EVPL: variants seen among roughly 807,000 people sequenced by gnomAD.
The protein encoded by EVPL is 210 kDa cornified envelope precursor protein.
A neutral mutation model predicts 129.7 loss-of-function variants in EVPL; 94 were observed. The ratio of observed to expected loss-of-function variants is 0.72; its 90% confidence interval spans 0.61 to 0.86. The LOEUF is 0.86. Among genes scored for constraint, EVPL ranks in the 40% least tolerant of loss-of-function variants. EVPL has a pLI of 0.00. For missense variants in EVPL, 2,625 were observed against 2,721.1 expected (o/e 0.96, Z 0.79); for synonymous variants, 1,172 against 1,191.1 (o/e 0.98, Z 0.33).
At chr17:76,020,076 C>G (rs1189933002) in intron 9 of EVPL, among the ~76,000 whole-genome samples, 1 of 151,708 alleles carries the variant, frequency 6.6e-6, no homozygotes, top group Non-Finnish European at 1.5e-5. Flanking sequence ...TAAACCTAAA[C>G]CAGCTAAACC....
chr17:76,007,829 G>A lies in EVPL; in HGVS notation c.5376C>T (p.Ile1792=), dbSNP rs762492634. 3.4e-5 allele frequency: 54 copies of A among 1,611,684 alleles called. No homozygotes were observed. In the East Asian group the frequency reaches 5.4e-4, roughly 16 times the overall value. Residue 1792 remains isoleucine, a synonymous_variant, in exon 22 of 22, where the codon ATC becomes ATT. Transcript: ENST00000301607. This position sits in a 1 kb window ranked among gnomAD's most constrained non-coding sequence, Gnocchi z 8.8. ...GETKPSSSLS[I]GSIISKSPLA... ...GCGGGGACTTGGAGATGATAGAGCC[G>A]ATGGAGAGTGAGGAGCTTGGCTTGG...
chr17:76,013,503 C>T lies in EVPL; in HGVS notation c.2373+923G>A, dbSNP rs1006168719. 1.3e-5 allele frequency among the ~76,000 whole-genome samples: 2 copies of T among 152,202 alleles called. No homozygotes were observed. The highest frequency in any genetic ancestry group is 1.3e-4 in the Admixed American group (2 of 15,270). ...CCCCATTCCTCTCCCCAAATATGCT[C>T]TGTTTCCTGTGTTCCCGCCTCAAGT... On this transcript the variant is annotated intron_variant, in intron 18 of 21. Transcript: ENST00000301607. This position sits in a 1 kb window ranked among gnomAD's most constrained non-coding sequence, Gnocchi z 4.3.
At chr17:76,017,681 T>C (rs959878240) in intron 14 of EVPL, 58 bp downstream of exon 14, 3 of 1,575,626 alleles carry the variant, frequency 1.9e-6, no homozygotes, top group Non-Finnish European at 2.6e-6. Context: ...CCCTCAAGTG[T>C]GAGCACCAGG....
At position 76,010,537 on chromosome 17, in the gene EVPL, G is replaced by A. The variant is rs141762313; in HGVS notation, c.2668C>T (p.Leu890Phe). ...FARKMLEKKE[L>F]SEDIRRTHDA... ...TGGGTCCTTCGGATGTCCTCACTGA[G>A]CTCCTTCTGCAGAGAGGAAGAAGGG... is the stretch of plus-strand genomic sequence containing the variant. Residue 890 changes from leucine (L) to phenylalanine (F), a missense_variant, in exon 22 of 22, where the codon CTC becomes TTC. By Grantham distance (22) the Leu-to-Phe change is conservative. Transcript: ENST00000301607. 139 of 1,612,204 alleles carry A rather than the reference G, an allele frequency of 8.6e-5. No homozygotes were observed. The African/African-American group carries it at 1.5e-3, about 17-fold the overall frequency.
chr17:76,021,401 G>A, intron 9 of EVPL, 67 bp downstream of exon 9: 1 of 1,295,218 alleles, frequency 7.7e-7, no homozygotes. Context: ...GTGGGCAGGG[G>A]TGCTGTGCTC....
chr17:76,018,009 G>T lies in EVPL; in HGVS notation c.1538-98C>A, dbSNP rs576671437. The T allele has an allele frequency of 1.1e-4, 165 of 1,566,256 alleles. No homozygotes were observed. In the South Asian group the frequency reaches 1.9e-3, roughly 18 times the overall value. ...CCACAGAGGGTCCTGTCGGGGTAGG[G>T]TGGAGGGGATGGGCAGGGCCACCCC... On this transcript the variant is annotated intron_variant, in intron 13 of 21. Transcript: ENST00000301607.
Position 76,022,909 on chromosome 17 carries a change from T to C in EVPL, c.481-371A>G, listed in dbSNP as rs1223841228. Reference sequence around the variant, plus strand: ...TCTATTGTCATGATGACACCCCTTCTGTGTGGCATCAAAGCACAACTCCTC... The same window carrying C: ...TCTATTGTCATGATGACACCCCTTCCGTGTGGCATCAAAGCACAACTCCTC... On this transcript the variant is annotated intron_variant, in intron 4 of 21. Transcript: ENST00000301607. The surrounding 1 kb of genome is among the most constrained non-coding windows in gnomAD (Gnocchi z 5.6). Among the ~76,000 whole-genome samples, 4 of 152,282 alleles carry C rather than the reference T, an allele frequency of 2.6e-5. No homozygotes were observed. In the East Asian group the frequency reaches 7.7e-4, roughly 29 times the overall value.
In EVPL at chr17:76,010,047, A is replaced by T; in HGVS notation, c.3158T>A (p.Leu1053Gln). 6.2e-7 allele frequency: 1 copy of T among 1,612,912 alleles called. No individual in the cohort carries two copies. ...RGEDAVISARLEGLKKELLAL... is the reference protein window; with the variant it reads ...RGEDAVISARQEGLKKELLAL... Reference sequence around the variant, plus strand: ...CAGTAGCTCCTTCTTCAGCCCTTCCAGCCGGGCCGAGATGACGGCATCCTC... The same window carrying T: ...CAGTAGCTCCTTCTTCAGCCCTTCCTGCCGGGCCGAGATGACGGCATCCTC... The change falls in exon 22 of 22, where the codon CTG (leucine) becomes CAG (glutamine). Residue 1053 changes from leucine to glutamine, a missense_variant. By Grantham distance (113) the Leu-to-Gln change is moderately radical. Coordinates refer to ENST00000301607, the MANE Select transcript of EVPL (RefSeq NM_001988.4).
At chr17:76,018,349 C>T in intron 12 of EVPL, 91 bp from the exon 13 acceptor site, 1 of 1,520,712 alleles carries the variant, frequency 6.6e-7, no homozygotes. Context: ...TGAAGGCCAG[C>T]CTTTGAGCAG....
At chr17:76,019,739 A>G in intron 9 of EVPL, 86 bp from the exon 10 acceptor site, 1 of 1,489,344 alleles carries the variant, frequency 6.7e-7, no homozygotes, top group Non-Finnish European at 8.9e-7. Flanking sequence ...AAGCCAGCTA[A>G]ACACAAAGCA....
In EVPL at chr17:76,007,295, C is replaced by T. The variant is rs139329210; in HGVS notation, c.5910G>A (p.Gln1970=). Reference sequence around the variant, plus strand: ...CGTAGCTGGACTCGTCCTGCAGGAGCTGGGCCAGCTCTTCACTGATCATCC... The same window carrying T: ...CGTAGCTGGACTCGTCCTGCAGGAGTTGGGCCAGCTCTTCACTGATCATCC... ...LSGMISEELA[Q]LLQDESSYEK... The change falls in exon 22 of 22, where the codon CAG becomes CAA. Residue 1970 remains glutamine, a synonymous_variant. Transcript: ENST00000301607. The surrounding 1 kb of genome is among the most constrained non-coding windows in gnomAD (Gnocchi z 8.8). The T allele has an allele frequency of 3.9e-6, 6 of 1,554,434 alleles. No individual in the cohort carries two copies. The African/African-American group carries it at 6.8e-5, about 18-fold the overall frequency.
At position 76,017,851 on chromosome 17, in the gene EVPL, C is replaced by T. The variant is rs148670879; in HGVS notation, c.1598G>A (p.Arg533Gln). 174 of 1,613,968 alleles carry T rather than the reference C, an allele frequency of 1.1e-4. No individual in the cohort carries two copies. Among genetic ancestry groups the T allele is most frequent in the South Asian group, 6.0e-4 (55 of 91,090 alleles). The change falls in exon 14 of 22, where the codon CGG becomes CAG. Residue 533 changes from arginine to glutamine, a missense_variant. Physicochemically the swap from Arg to Gln is conservative, Grantham distance 43. This residue lies in a region of EVPL where 1,024 missense variants were observed against 997.5 expected (regional missense o/e 1.03). Transcript: ENST00000301607. ...TATCTGTCCCAGGTCTCCATCCAGC[C>T]GGGTCATCTGTGTCAGGAGCTTCTG... is the stretch of plus-strand genomic sequence containing the variant. The part of the protein sequence containing the change: ...QAQKLLTQMT[R>Q]LDGDLGQIER...
chr17:76,012,906 G>A (rs985894395), intron 18 of EVPL, among the ~76,000 whole-genome samples: 10 of 151,744 alleles, frequency 6.6e-5, no homozygotes, highest in African/African-American at 2.4e-4. Flanking sequence ...CACCGTGCCC[G>A]GCTAATTTTT....
chr17:76,023,882 G>A lies in EVPL; in HGVS notation c.198+139C>T, dbSNP rs1461991698. On this transcript the variant is annotated intron_variant, in intron 2 of 21. Transcript: ENST00000301607. Reference sequence around the variant, plus strand: ...GCCCTCTCTCCCACCGTGTGTTAGGGGATGGGCGGTGCAGGACAAAGGTCA... The same window carrying A: ...GCCCTCTCTCCCACCGTGTGTTAGGAGATGGGCGGTGCAGGACAAAGGTCA... 9 of 1,260,278 alleles carry A rather than the reference G, an allele frequency of 7.1e-6. No homozygotes were observed. In the African/African-American group the frequency reaches 8.9e-5, roughly 12 times the overall value. 78.1% of individuals were successfully genotyped at this position (1,260,278 alleles called of 1,614,324 possible).
intron 10 of EVPL, 69 bp from the exon 11 acceptor site, chr17:76,019,129 C>T (rs1443692068): frequency 4.2e-6 from 6 of 1,441,360 alleles, no homozygotes; most frequent in Non-Finnish European, 5.5e-6. Context: ...CCATACCTGT[C>T]CTTCAAAAGG....
At chr17:76,023,726 C>T (rs2005637) in intron 2 of EVPL, 72 bp from the exon 3 acceptor site, 138 of 1,459,596 alleles carry the variant, frequency 9.5e-5, no homozygotes, top group Non-Finnish European at 1.2e-4. Flanking sequence ...CACTGTGGGC[C>T]TGAGCCCCAA....
At position 76,018,501 on chromosome 17, in the gene EVPL, C is replaced by T. The variant is rs1461989381; in HGVS notation, c.1384G>A (p.Ala462Thr). ...GGTGCTGGGATGCAGAAGCAGGCGG[C>T]GGGAGCACGCTTGGTCTCCCCGCCA... is the stretch of plus-strand genomic sequence containing the variant. ...GPGGETKRAPAACFCIPAPDP... is the reference protein window; with the variant it reads ...GPGGETKRAPTACFCIPAPDP... The change falls in exon 12 of 22, where the codon GCC becomes ACC. Residue 462 changes from alanine to threonine, a missense_variant. Physicochemically the swap from Ala to Thr is moderately conservative, Grantham distance 58 (BLOSUM62 0). Transcript: ENST00000301607. The T allele has an allele frequency of 3.7e-6, 6 of 1,612,318 alleles. No homozygotes were observed. The highest frequency in any genetic ancestry group is 1.1e-5 in the South Asian group (1 of 90,958).
rs147527679 is a variant in EVPL, at chr17:76,009,586, C to G, written c.3619G>C (p.Glu1207Gln). The G allele has an allele frequency of 7.4e-6, 12 of 1,614,010 alleles. No individual in the cohort carries two copies. Among genetic ancestry groups the G allele is most frequent in the Admixed American group, 1.7e-5 (1 of 60,012 alleles). Reference sequence around the variant, plus strand: ...GCCTTGAGCCGAGTGATCTCCTGCTCTGTCTCCGGATCCACCTGGAAGATC... The same window carrying G: ...GCCTTGAGCCGAGTGATCTCCTGCTGTGTCTCCGGATCCACCTGGAAGATC... ...HEIFQVDPET[E>Q]QEITRLKAKL... The change falls in exon 22 of 22, where the codon GAG (glutamate) becomes CAG (glutamine). Residue 1207 changes from glutamate to glutamine, a missense_variant. Physicochemically the swap from Glu to Gln is conservative, Grantham distance 29. Coordinates refer to ENST00000301607, the MANE Select transcript of EVPL (RefSeq NM_001988.4). This position sits in a 1 kb window ranked among gnomAD's most constrained non-coding sequence, Gnocchi z 5.9.
In EVPL at chr17:76,022,328, AG is replaced by A. The variant is rs1366497473; in HGVS notation, c.606+84del. On this transcript the variant is annotated intron_variant, in intron 5 of 21. Transcript: ENST00000301607. This position sits in a 1 kb window ranked among gnomAD's most constrained non-coding sequence, Gnocchi z 5.6. ...CCATACCCCACCCACCCCTATCCCC[AG>A]GGCCCAGCCGATCTAGCTCCGGCTC... The A allele has an allele frequency of 6.3e-7, 1 of 1,594,950 alleles. No homozygotes were observed. Among genetic ancestry groups the A allele is most frequent in the Non-Finnish European group, 8.6e-7 (1 of 1,168,436 alleles).
Sources: gnomAD v4.1 joint callset for allele counts (sites outside exome capture counted in the v4.1 genomes callset) on GRCh38, gnomAD v4.1.1 for gene constraint, gnomAD v4.1.1 regional missense constraint, Gnocchi (gnomAD v3.1) non-coding constraint, MANE v1.5 for transcripts, NCBI Gene and HGNC (gene_info 2026-07-23, HGNC 2026-07-21) for gene names.